VWC2: variants seen among roughly 807,000 people sequenced by gnomAD.
The protein encoded by VWC2 is brorin.
VWC2 carries 14 observed loss-of-function variants against 29.8 expected under a neutral mutation model. The ratio of observed to expected loss-of-function variants is 0.47; its 90% CI spans 0.31 to 0.74. The LOEUF (loss-of-function observed/expected upper bound fraction) is 0.74. Among genes scored for constraint, VWC2 ranks in the 30% least tolerant of loss-of-function variants. VWC2 has a pLI of 0.05. For synonymous variants in VWC2, 213 were observed against 199.0 expected (o/e 1.07, Z -0.59); for missense variants, 457 against 459.8 (o/e 0.99, Z 0.05).
At chr7:49,856,161 T>A (rs776533976) in intron 3 of VWC2, among the ~76,000 whole-genome samples, 19 of 152,178 alleles carry the variant, frequency 1.2e-4, no homozygotes, top group Non-Finnish European at 1.9e-4. Context: ...GTGTCCAAAC[T>A]GGGAATCTCA....
At chr7:49,861,888 T>C (rs997486396) in intron 3 of VWC2, among the ~76,000 whole-genome samples, 1 of 152,214 alleles carries the variant, frequency 6.6e-6, no homozygotes, top group African/African-American at 2.4e-5. Context: ...ACTGTTTTGA[T>C]TACTGTAACT....
chr7:49,888,471 T>A (rs1791990794), intron 3 of VWC2, among the ~76,000 whole-genome samples: 1 of 152,186 alleles, frequency 6.6e-6, no homozygotes, highest in Non-Finnish European at 1.5e-5. Flanking sequence ...TTCATAACAT[T>A]CCATTCATCC....
chr7:49,863,023 A>G (rs1790721482), intron 3 of VWC2, among the ~76,000 whole-genome samples: 1 of 152,154 alleles, frequency 6.6e-6, no homozygotes, highest in Non-Finnish European at 1.5e-5. Context: ...TATATGGAAG[A>G]GTTTGAGAAG....
At chr7:49,820,536 G>A (rs1789241151) in intron 3 of VWC2, among the ~76,000 whole-genome samples, 1 of 152,202 alleles carries the variant, frequency 6.6e-6, no homozygotes. Context: ...GGATTAAAAT[G>A]AAGTTCAGTT....
intron 2 of VWC2, among the ~76,000 whole-genome samples, chr7:49,784,875 C>T (rs1420855873): frequency 6.6e-6 from 1 of 152,046 alleles, no homozygotes; most frequent in African/African-American, 2.4e-5. Context: ...AGTAATGTGA[C>T]CTCAAAAGAA....
intron 3 of VWC2, among the ~76,000 whole-genome samples, chr7:49,882,151 T>G (rs1449600399): frequency 6.6e-6 from 1 of 152,118 alleles, no homozygotes; most frequent in Non-Finnish European, 1.5e-5. Context: ...ACTGGTGATA[T>G]AATCAATATT....
At chr7:49,788,911 A>AGT (rs964345121) in intron 2 of VWC2, among the ~76,000 whole-genome samples, 2 of 125,776 alleles carry the variant, frequency 1.6e-5, no homozygotes, top group Non-Finnish European at 1.7e-5. Flanking sequence ...TGGGTGTGAG[A>AGT]GTGTGTGTGG....
intron 3 of VWC2, among the ~76,000 whole-genome samples, chr7:49,859,142 T>C (rs899080945): frequency 6.6e-6 from 1 of 152,222 alleles, no homozygotes; most frequent in Non-Finnish European, 1.5e-5. Context: ...GGCATGTGTG[T>C]CTTCAACGTT....
intron 2 of VWC2, among the ~76,000 whole-genome samples, chr7:49,786,476 T>C (rs1191104244): frequency 6.6e-6 from 1 of 152,218 alleles, no homozygotes; most frequent in Non-Finnish European, 1.5e-5. Context: ...GTAGAAGGAT[T>C]TATTTTCCTT....
At chr7:49,829,619 A>G (rs1186821291) in intron 3 of VWC2, among the ~76,000 whole-genome samples, 1 of 152,222 alleles carries the variant, frequency 6.6e-6, no homozygotes, top group Admixed American at 6.5e-5. Flanking sequence ...ACGCCAGCCT[A>G]CACACACCCT....
intron 3 of VWC2, among the ~76,000 whole-genome samples, chr7:49,893,035 A>G (rs1792211597): frequency 6.6e-6 from 1 of 152,178 alleles, no homozygotes; most frequent in African/African-American, 2.4e-5. Context: ...CTTTTGCTAT[A>G]TTGGAATATG....
At chr7:49,848,279 C>T (rs1431206595) in intron 3 of VWC2, among the ~76,000 whole-genome samples, 2 of 152,212 alleles carry the variant, frequency 1.3e-5, no homozygotes, top group East Asian at 1.9e-4. Flanking sequence ...CACCCTCCCA[C>T]CTCCACTCAG....
intron 2 of VWC2, among the ~76,000 whole-genome samples, chr7:49,797,758 C>G (rs1181741875): frequency 6.6e-6 from 1 of 152,198 alleles, no homozygotes; most frequent in Non-Finnish European, 1.5e-5. Context: ...TCCCAAGAAA[C>G]CATGTTCTTT....
At chr7:49,809,621 CA>C (rs1788954512) in intron 3 of VWC2, among the ~76,000 whole-genome samples, 1 of 151,914 alleles carries the variant, frequency 6.6e-6, no homozygotes, top group South Asian at 2.1e-4. Context: ...ATCTCCTTAA[CA>C]ATGAGTTAAT....
Position 49,877,481 on chromosome 7 carries a change from A to AAAATATACATATATATATATAT in VWC2, c.827-34552_827-34551insAATATACATATATATATATATA. 2.4e-4 allele frequency among the ~76,000 whole-genome samples: 3 copies of AAAATATACATATATATATATAT among 12,722 alleles called. 1 individual carries two copies. The highest frequency in any genetic ancestry group is 5.6e-4 in the African/African-American group (2 of 3,594). 8.3% of individuals were successfully genotyped at this position (12,722 alleles called of 152,430 possible). On this transcript the variant is annotated intron_variant, in intron 3 of 3. Coordinates refer to ENST00000340652, the MANE Select transcript of VWC2 (RefSeq NM_198570.5). ...CTGTCTCAAAAAAAAAAAAAAAAAAAATATATATATATATATATATATATA... is the reference window on the plus strand; with the variant it reads ...CTGTCTCAAAAAAAAAAAAAAAAAAAAAATATACATATATATATATATATATATATATATATATATATATATA...
At chr7:49,885,988 T>C (rs552284238) in intron 3 of VWC2, among the ~76,000 whole-genome samples, 7 of 152,358 alleles carry the variant, frequency 4.6e-5, no homozygotes, top group Admixed American at 4.6e-4. Flanking sequence ...AGTTACATTT[T>C]TGACGTGATG....
In VWC2 at chr7:49,789,328, TGG is replaced by T. The variant is rs74466406; in HGVS notation, c.696+13199_696+13200del. ...GTGTGAGTGTGGGTGTAGGTGTGTG[TGG>T]GTGCGTGTGAGTGTATATGTGGCTG... is the stretch of plus-strand genomic sequence containing the variant. On this transcript the variant is annotated intron_variant, in intron 2 of 3. Coordinates refer to ENST00000340652, the MANE Select transcript of VWC2 (RefSeq NM_198570.5). 1.2e-3 allele frequency among the ~76,000 whole-genome samples: 178 copies of T among 150,328 alleles called. 1 individual carries two copies. Among genetic ancestry groups the T allele is most frequent in the Middle Eastern group, 3.4e-3 (1 of 292 alleles).
chr7:49,783,985 G>C (rs1788238331), intron 2 of VWC2, among the ~76,000 whole-genome samples: 1 of 152,194 alleles, frequency 6.6e-6, no homozygotes, highest in Non-Finnish European at 1.5e-5. Context: ...AATAGCAAAA[G>C]TGATGATGCT....
intron 3 of VWC2, among the ~76,000 whole-genome samples, chr7:49,835,725 T>A (rs1789641434): frequency 6.6e-6 from 1 of 152,210 alleles, no homozygotes; most frequent in African/African-American, 2.4e-5. Context: ...ACTTTAGGGT[T>A]TGGCAGCATT....
Sources: allele counts gnomAD v4.1 joint callset (sites outside exome capture counted in the v4.1 genomes callset), GRCh38; gene constraint gnomAD v4.1.1; transcripts MANE v1.5; gene names NCBI Gene and HGNC (gene_info 2026-07-23, HGNC 2026-07-21).